The following ATP13A2 variants were observed in gnomAD, a reference collection of about 807,000 sequenced individuals.
The protein encoded by ATP13A2 is ATPase cation transporting 13A2.
In ATP13A2, 83 loss-of-function variants were observed where a neutral mutation model predicts 138.3. The ratio of observed to expected loss-of-function variants is 0.60; its 90% CI spans 0.50 to 0.72. The LOEUF is 0.72. Among genes scored for constraint, ATP13A2 ranks in the 30% least tolerant of loss-of-function variants. ATP13A2 has a pLI of 0.00. For synonymous variants in ATP13A2, 663 were observed against 699.0 expected (o/e 0.95, Z 0.81); for missense variants, 1,402 against 1,606.4 (o/e 0.87, Z 2.17).
At chr1:17,010,169 C>T (rs1041344791) in intron 1 of ATP13A2, among the ~76,000 whole-genome samples, 7 of 151,878 alleles carry the variant, frequency 4.6e-5, no homozygotes, top group African/African-American at 1.7e-4. Flanking sequence ...CCTCCACCTC[C>T]CAGGTTCAAG....
In ATP13A2 at chr1:17,004,677, T is replaced by C. The variant is rs922336608; in HGVS notation, c.477+15A>G. On this transcript the variant is annotated intron_variant, in intron 5 of 28. Coordinates refer to ENST00000326735, the MANE Select transcript of ATP13A2 (RefSeq NM_022089.4). The surrounding 1 kb of genome is among the most constrained non-coding windows in gnomAD (Gnocchi z 4.1). Reference sequence around the variant, plus strand: ...CCGAGGCCGAGAGAGGGGCAAGGACTTTTTCAGAACCCACCTGTCCGACAC... The same window carrying C: ...CCGAGGCCGAGAGAGGGGCAAGGACCTTTTCAGAACCCACCTGTCCGACAC... 2.5e-6 allele frequency: 4 copies of C among 1,613,980 alleles called. No homozygotes were observed. Among genetic ancestry groups the C allele is most frequent in the Admixed American group, 1.7e-5 (1 of 60,018 alleles).
intron 1 of ATP13A2, among the ~76,000 whole-genome samples, chr1:17,007,709 G>A (rs943784319): frequency 6.6e-6 from 1 of 151,798 alleles, no homozygotes; most frequent in African/African-American, 2.4e-5. Context: ...CCGCCACCAC[G>A]CCCGGCTAAT....
At chr1:17,008,144 C>T (rs975158034) in intron 1 of ATP13A2, among the ~76,000 whole-genome samples, 22 of 151,688 alleles carry the variant, frequency 1.5e-4, no homozygotes, top group African/African-American at 5.1e-4. Flanking sequence ...TTACAGTTTT[C>T]GTGTATAAGT....
chr1:17,005,558 T>A lies in ATP13A2; in HGVS notation c.106-2A>T. On this transcript the variant is annotated splice_acceptor_variant, in intron 2 of 28. Coordinates refer to ENST00000326735, the MANE Select transcript of ATP13A2 (RefSeq NM_022089.4). LOFTEE classifies it high-confidence loss of function. ...ACTGCCACAGTAGCCGCTGAGCCTC[T>A]GCGAACGCAGCGAGAGAGGGCCCAG... 6.2e-7 allele frequency: 1 copy of A among 1,614,184 alleles called. No homozygotes were observed. Among genetic ancestry groups the A allele is most frequent in the Non-Finnish European group, 8.5e-7 (1 of 1,180,034 alleles).
Position 16,997,002 on chromosome 1 carries a change from C to G in ATP13A2, c.1195+18G>C, listed in dbSNP as rs750278758. 2 of 1,609,662 alleles carry G rather than the reference C, an allele frequency of 1.2e-6. No homozygotes were observed. The highest frequency in any genetic ancestry group is 3.4e-5 in the Admixed American group (2 of 59,646). ...CTGAGCCCGGGATCTCTCTCAAGCC[C>G]AGCCTCCCGGCTCATACCTGTGCGG... On this transcript the variant is annotated intron_variant, in intron 12 of 28. Coordinates refer to ENST00000326735, the MANE Select transcript of ATP13A2 (RefSeq NM_022089.4).
rs773458244 is a variant in ATP13A2, at chr1:16,991,728, T to C, written c.2251+6A>G. 4 of 1,613,928 alleles carry C rather than the reference T, an allele frequency of 2.5e-6. No homozygotes were observed. The highest frequency in any genetic ancestry group is 3.4e-6 in the Non-Finnish European group (4 of 1,180,026). On this transcript the variant is annotated splice_donor_region_variant and intron_variant, in intron 20 of 28. Transcript: ENST00000326735. Reference sequence around the variant, plus strand: ...TGCTAGCCCGGGCCCCTACATGCCATTGTACCTGTCACCATGACGGCGCGG... The same window carrying C: ...TGCTAGCCCGGGCCCCTACATGCCACTGTACCTGTCACCATGACGGCGCGG...
chr1:16,996,745 C>T, intron 12 of ATP13A2: 2 of 619,146 alleles, frequency 3.2e-6, no homozygotes, highest in Non-Finnish European at 5.7e-6. Flanking sequence ...ACAGGGAAGG[C>T]TCCTGCCTGC....
intron 8 of ATP13A2, 179 bp from the exon 9 acceptor site, chr1:17,000,713 T>G: frequency 1.3e-6 from 1 of 760,920 alleles, no homozygotes; most frequent in Non-Finnish European, 2.1e-6. Context: ...GCCCTCAGTT[T>G]CTCCGCTCTA....
Position 16,989,779 on chromosome 1 carries a change from A to C in ATP13A2, c.2530-9T>G. On this transcript the variant is annotated splice_polypyrimidine_tract_variant and intron_variant, in intron 22 of 28. Coordinates refer to ENST00000326735, the MANE Select transcript of ATP13A2 (RefSeq NM_022089.4). ...GTGCCCTGGACCAGGACCTGGGAGC[A>C]CAGGGAGATGGGGGAGGGCTGAGGC... The C allele has an allele frequency of 6.2e-7, 1 of 1,613,984 alleles. No homozygotes were observed. Among genetic ancestry groups the C allele is most frequent in the Non-Finnish European group, 8.5e-7 (1 of 1,179,984 alleles).
rs55929813 is a variant in ATP13A2 at position 16,989,826 on chromosome 1, G to A, written c.2530-56C>T. 8.9e-4 allele frequency: 1,439 copies of A among 1,611,230 alleles called. 1 individual carries two copies. Among genetic ancestry groups the A allele is most frequent in the Middle Eastern group, 3.3e-3 (20 of 6,054 alleles). On this transcript the variant is annotated intron_variant, in intron 22 of 28. Coordinates refer to ENST00000326735, the MANE Select transcript of ATP13A2 (RefSeq NM_022089.4). ...AGGCACCCACCAGGGAGAGCGAGCC[G>A]TGAGGAAGGAGACAGAGCAGGGGAG...
At chr1:16,999,404 A>G (rs1418608080) in intron 11 of ATP13A2, among the ~76,000 whole-genome samples, 1 of 142,476 alleles carries the variant, frequency 7.0e-6, no homozygotes. Context: ...AAAAAAAAAA[A>G]AGGAGAAATA....
intron 3 of ATP13A2, 45 bp from the exon 4 acceptor site, chr1:17,005,117 C>T: frequency 6.2e-7 from 1 of 1,609,844 alleles, no homozygotes; most frequent in Non-Finnish European, 8.5e-7. Context: ...AGTCCCCTCC[C>T]CTCCCAGGCC....
intron 6 of ATP13A2, among the ~76,000 whole-genome samples, chr1:17,002,830 C>T (rs545234216): frequency 6.6e-5 from 10 of 152,242 alleles, no homozygotes; most frequent in South Asian, 2.1e-4. Flanking sequence ...GATGAATGCA[C>T]GGGTGATTTT....
chr1:16,989,808 C>T, intron 22 of ATP13A2, 38 bp from the exon 23 acceptor site: 1 of 1,612,592 alleles, frequency 6.2e-7, no homozygotes, highest in Non-Finnish European at 8.5e-7. Context: ...CTGAGGCACC[C>T]ACCAGGGAGA....
intron 25 of ATP13A2, among the ~76,000 whole-genome samples, chr1:16,987,568 C>T (rs1269879782): frequency 2.0e-5 from 3 of 152,222 alleles, no homozygotes; most frequent in Non-Finnish European, 4.4e-5. Flanking sequence ...CTCTGCCTTG[C>T]GGAGTCCCTA....
intron 16 of ATP13A2, 116 bp from the exon 17 acceptor site, chr1:16,992,697 G>A (rs1317257843): frequency 6.4e-6 from 7 of 1,094,082 alleles, no homozygotes; most frequent in East Asian, 2.5e-5. Context: ...AAGAATGTGG[G>A]CTTTGGAGCC....
rs745888153 is a variant in ATP13A2 at position 16,986,936 on chromosome 1, G to A, written c.3104C>T (p.Thr1035Ile). Residue 1035 changes from threonine (T) to isoleucine (I), a missense_variant, in exon 27 of 29, where the codon ACA becomes ATA. Coordinates refer to ENST00000326735, the MANE Select transcript of ATP13A2 (RefSeq NM_022089.4). The surrounding 1 kb of genome is among the most constrained non-coding windows in gnomAD (Gnocchi z 6.9). Reference protein sequence around the residue: ...AQPWFVPLNRTVAAPDNLPNY... With the variant: ...AQPWFVPLNRIVAAPDNLPNY... Reference sequence around the variant, plus strand: ...GGGCAGGTTGTCTGGTGCGGCCACTGTCCTGTTCAGAGGCACGAACCTGGG... The same window carrying A: ...GGGCAGGTTGTCTGGTGCGGCCACTATCCTGTTCAGAGGCACGAACCTGGG... The A allele has an allele frequency of 1.9e-6, 3 of 1,613,768 alleles. No homozygotes were observed. Among genetic ancestry groups the A allele is most frequent in the African/African-American group, 1.3e-5 (1 of 74,816 alleles).
In ATP13A2 at chr1:16,993,928, A is replaced by G. The variant is rs2100823003; in HGVS notation, c.1543-93T>C. The G allele has an allele frequency of 6.3e-6, 7 of 1,113,354 alleles. No homozygotes were observed. The South Asian group carries it at 8.3e-5, about 13-fold the overall frequency. 69.0% of individuals were successfully genotyped at this position (1,113,354 alleles called of 1,614,324 possible). On this transcript the variant is annotated intron_variant, in intron 15 of 28. Coordinates refer to ENST00000326735, the MANE Select transcript of ATP13A2 (RefSeq NM_022089.4). ...CCAAACCCCAGGCCCGGCGGACCCTATGGGAACCCCAGGAACTCGAGCTGG... is the reference window on the plus strand; with the variant it reads ...CCAAACCCCAGGCCCGGCGGACCCTGTGGGAACCCCAGGAACTCGAGCTGG...
rs1445295652 is a variant in ATP13A2, at chr1:16,996,456, C to A, written c.1236G>T (p.Leu412Phe). Residue 412 changes from leucine to phenylalanine, a missense_variant, in exon 13 of 29, where the codon TTG (leucine) becomes TTT (phenylalanine). By Grantham distance (22) the Leu-to-Phe change is conservative (BLOSUM62 0). Transcript: ENST00000326735. ...TAKGGLVSSI[L>F]HPRPINFKFY... ...ACTTGAAGTTGATGGGCCGGGGGTG[C>A]AAGATGGAGCTCACCAGGCCCCCTT... 3 of 1,614,070 alleles carry A rather than the reference C, an allele frequency of 1.9e-6. No individual in the cohort carries two copies. In the Admixed American group the frequency reaches 5.0e-5, roughly 27 times the overall value.
Sources: gnomAD v4.1 joint callset for allele counts (sites outside exome capture counted in the v4.1 genomes callset) on GRCh38, gnomAD v4.1.1 for gene constraint, Gnocchi (gnomAD v3.1) non-coding constraint, MANE v1.5 for transcripts, NCBI Gene and HGNC (gene_info 2026-07-23, HGNC 2026-07-21) for gene names.